Variants in AKAP13 observed in about 807,000 individuals in gnomAD.
The protein encoded by AKAP13 is A-kinase anchor protein 13.
Under a neutral mutation model 264.5 loss-of-function variants are expected in AKAP13, and 80 were observed. That is an observed-to-expected ratio of 0.30 (90% CI 0.25 to 0.36). AKAP13 has a LOEUF of 0.36. Ranked by LOEUF, AKAP13 falls within the 10% of genes least tolerant of loss-of-function variation. AKAP13 has a pLI of 1.00. For synonymous variants in AKAP13, 1,380 were observed against 1,250.2 expected, an observed-to-expected ratio of 1.10 and a Z score of -2.19; for missense variants, 3,712 against 3,435.2, an observed-to-expected ratio of 1.08 and a Z score of -2.01.
chr15:85,438,076 T>C (rs1374910600), intron 1 of AKAP13, among the ~76,000 whole-genome samples: 1 of 146,664 alleles, frequency 6.8e-6, no homozygotes, highest in Non-Finnish European at 1.5e-5. Flanking sequence ...CCCCATTGTC[T>C]CAGCCCAAAA....
chr15:85,480,198 T>C (rs2075306405), intron 1 of AKAP13, among the ~76,000 whole-genome samples: 1 of 152,220 alleles, frequency 6.6e-6, no homozygotes, highest in African/African-American at 2.4e-5. Context: ...TCTATGATTA[T>C]TGTATTATAT....
At chr15:85,567,372 C>T (rs1255087379) in intron 5 of AKAP13, among the ~76,000 whole-genome samples, 3 of 152,218 alleles carry the variant, frequency 2.0e-5, no homozygotes, top group Admixed American at 6.5e-5. Context: ...TCCCAAAGTG[C>T]TGAGATTGCA....
intron 1 of AKAP13, among the ~76,000 whole-genome samples, chr15:85,393,680 C>T (rs2070975117): frequency 6.6e-6 from 1 of 152,174 alleles, no homozygotes; most frequent in Non-Finnish European, 1.5e-5. Flanking sequence ...TATTCTTTCT[C>T]CCTTTTTTGA....
At chr15:85,393,998 CTG>C (rs1355109602) in intron 1 of AKAP13, among the ~76,000 whole-genome samples, 1 of 152,202 alleles carries the variant, frequency 6.6e-6, no homozygotes, top group Non-Finnish European at 1.5e-5. Context: ...AATTGTGGAA[CTG>C]TATTTTCCTT....
intron 6 of AKAP13, among the ~76,000 whole-genome samples, chr15:85,575,854 C>T (rs1427593773): frequency 2.0e-5 from 3 of 152,182 alleles, no homozygotes; most frequent in Non-Finnish European, 2.9e-5. Context: ...GGCATGGTGG[C>T]GTACGCCTAT....
chr15:85,580,549 C>T lies in AKAP13; in HGVS notation c.2481C>T (p.Gly827=). Residue 827 remains glycine, a synonymous_variant, in exon 7 of 37, where the codon GGC becomes GGT. Transcript: ENST00000394518. ...ELHTATDYRD[G]PDGNSNEPDT... is the part of the protein sequence containing the mutation. The stretch of plus-strand genomic sequence containing the variant: ...ATACAGCTACAGATTATAGAGATGG[C>T]CCAGATGGAAATTCGAATGAGCCTG... 3.1e-6 allele frequency: 5 copies of T among 1,614,170 alleles called. No individual in the cohort carries two copies. The highest frequency in any genetic ancestry group is 4.2e-6 in the Non-Finnish European group (5 of 1,180,040).
chr15:85,684,598 C>A (rs758369439), intron 15 of AKAP13, 143 bp from the exon 16 acceptor site: 2 of 837,200 alleles, frequency 2.4e-6, no homozygotes, highest in Non-Finnish European at 3.6e-6. Flanking sequence ...GAAACTTAGC[C>A]AAGTTTTGAT....
intron 4 of AKAP13, 135 bp downstream of exon 4, chr15:85,534,015 G>C: frequency 1.0e-6 from 1 of 995,722 alleles, no homozygotes; most frequent in Non-Finnish European, 1.4e-6. Context: ...ATTACTGTAG[G>C]AAAGTGGCCT....
intron 2 of AKAP13, among the ~76,000 whole-genome samples, chr15:85,504,122 A>G (rs1420481892): frequency 6.6e-6 from 1 of 152,226 alleles, no homozygotes; most frequent in Non-Finnish European, 1.5e-5. Context: ...GAAAAACAAG[A>G]GAACTGAGGA....
At chr15:85,647,844 CGTGAA>C in intron 10 of AKAP13, among the ~76,000 whole-genome samples, 2 of 152,162 alleles carry the variant, frequency 1.3e-5, no homozygotes, top group South Asian at 4.1e-4. Context: ...AGGAGAATGG[CGTGAA>C]CCCGGGAGGC....
chr15:85,595,117 A>G (rs2079756417), intron 8 of AKAP13, among the ~76,000 whole-genome samples: 1 of 152,018 alleles, frequency 6.6e-6, no homozygotes, highest in Non-Finnish European at 1.5e-5. Flanking sequence ...TTTGTTTTGT[A>G]GAGATAGGGT....
chr15:85,418,467 A>G (rs1328938494), intron 1 of AKAP13, among the ~76,000 whole-genome samples: 1 of 152,218 alleles, frequency 6.6e-6, no homozygotes, highest in Non-Finnish European at 1.5e-5. Context: ...TCAAGTTGAA[A>G]TGTGGCTAAC....
intron 35 of AKAP13, among the ~76,000 whole-genome samples, chr15:85,742,102 GTCT>G (rs1309062405): frequency 1.6e-4 from 24 of 152,336 alleles, no homozygotes; most frequent in East Asian, 3.9e-4. Context: ...GAGGCAGAAA[GTCT>G]TCTTCTGCTT....
intron 8 of AKAP13, among the ~76,000 whole-genome samples, chr15:85,617,251 T>G (rs202214950): frequency 7.3e-4 from 111 of 152,038 alleles, no homozygotes; most frequent in Admixed American, 1.8e-3. Flanking sequence ...TTGTTTTTGT[T>G]TTTTGTTTTT....
chr15:85,730,768 A>AG, intron 30 of AKAP13, 61 bp downstream of exon 30: 1 of 1,428,076 alleles, frequency 7.0e-7, no homozygotes. Flanking sequence ...ACACACTAAT[A>AG]TTACCTGCCA....
chr15:85,704,694 C>G (rs140745199), intron 17 of AKAP13, among the ~76,000 whole-genome samples: 6 of 152,292 alleles, frequency 3.9e-5, no homozygotes. Context: ...ATTAGGAAAT[C>G]TATCAAATAA....
intron 1 of AKAP13, among the ~76,000 whole-genome samples, chr15:85,458,394 T>TTTTG (rs1555431454): frequency 4.9e-5 from 3 of 61,032 alleles, no homozygotes; most frequent in South Asian, 5.8e-4. Flanking sequence ...TTGTTTTTTG[T>TTTTG]TTTTTTTTTT....
chr15:85,589,730 C>T (rs2094485449), intron 8 of AKAP13, among the ~76,000 whole-genome samples: 1 of 141,476 alleles, frequency 7.1e-6, no homozygotes, highest in Non-Finnish European at 1.6e-5. Flanking sequence ...AAAAAAAAGC[C>T]TACTCTTAAT....
chr15:85,521,586 G>C lies in AKAP13; in HGVS notation c.181+11G>C. On this transcript the variant is annotated intron_variant, in intron 3 of 36. Coordinates refer to ENST00000394518, the MANE Select transcript of AKAP13 (RefSeq NM_007200.5). The stretch of plus-strand genomic sequence containing the variant: ...AGACCATTGCTCCTGGTAAGTATTT[G>C]AATGGGATCCTTACTAGCTTTTCCT... 6.2e-7 allele frequency: 1 copy of C among 1,613,112 alleles called. No individual in the cohort carries two copies. The highest frequency in any genetic ancestry group is 1.3e-5 in the African/African-American group (1 of 75,030).
Sources: allele counts gnomAD v4.1 joint callset (sites outside exome capture counted in the v4.1 genomes callset), GRCh38; gene constraint gnomAD v4.1.1; transcripts MANE v1.5; gene names NCBI Gene and HGNC (gene_info 2026-07-23, HGNC 2026-07-21).